LMAN1L: variants seen among roughly 807,000 people sequenced by gnomAD.
LMAN1L encodes the protein lectin, mannose binding 1 like, also known as protein ERGIC-53-like.
Under a neutral mutation model 58.3 loss-of-function variants are expected in LMAN1L, and 60 were observed. The observed-to-expected ratio is 1.03, with a 90% CI of 0.84 to 1.27. The LOEUF (loss-of-function observed/expected upper bound fraction) is 1.27. Among genes scored for constraint, LMAN1L ranks in the 50% most tolerant of loss-of-function variants. The probability of loss-of-function intolerance (pLI) is 0.00; values close to 1 mark genes in which losing one functional copy is unlikely to be tolerated. For synonymous variants in LMAN1L, 280 were observed against 271.6 expected (o/e 1.03, Z -0.31); for missense variants, 629 against 674.0 (o/e 0.93, Z 0.74).
chr15:74,812,836 G>C lies in LMAN1L; in HGVS notation c.-19G>C. 5 of 1,576,016 alleles carry C rather than the reference G, an allele frequency of 3.2e-6. No homozygotes were observed. Among genetic ancestry groups the C allele is most frequent in the Non-Finnish European group, 4.3e-6 (5 of 1,158,382 alleles). ...CAGCTATGATCTACCCCGGGGCCCAGACTTCAGGCGCCTTCACGATGCCGG... is the reference window on the plus strand; with the variant it reads ...CAGCTATGATCTACCCCGGGGCCCACACTTCAGGCGCCTTCACGATGCCGG... On this transcript the variant is annotated 5_prime_UTR_variant, in exon 1 of 14. Coordinates refer to ENST00000309664, the MANE Select transcript of LMAN1L (RefSeq NM_021819.3).
At chr15:74,815,924 C>T (rs1414922863) in intron 1 of LMAN1L, among the ~76,000 whole-genome samples, 4 of 152,244 alleles carry the variant, frequency 2.6e-5, no homozygotes, top group Admixed American at 6.5e-5. Context: ...GCACACACTG[C>T]GGTGAGGCTT....
intron 6 of LMAN1L, 64 bp downstream of exon 6, chr15:74,819,336 C>A: frequency 1.3e-6 from 2 of 1,573,002 alleles, no homozygotes; most frequent in East Asian, 4.5e-5. Flanking sequence ...CCTCAGCACA[C>A]CTTCTAAAGA....
chr15:74,823,992 A>G (rs2063929669), intron 12 of LMAN1L: 1 of 502,692 alleles, frequency 2.0e-6, no homozygotes. Context: ...TGTGTCCAAG[A>G]TCACTGAGTC....
chr15:74,820,160 C>A, intron 7 of LMAN1L, 61 bp downstream of exon 7: 1 of 1,407,956 alleles, frequency 7.1e-7, no homozygotes, highest in Non-Finnish European at 1.0e-6. Flanking sequence ...TCACCCATGT[C>A]ATGGTGCCCT....
intron 12 of LMAN1L, chr15:74,823,895 C>T (rs1412841135): frequency 3.4e-6 from 2 of 590,062 alleles, no homozygotes; most frequent in African/African-American, 3.7e-5. Flanking sequence ...TCTCTCCTCT[C>T]TGAAGAGTCC....
Position 74,821,890 on chromosome 15 carries a change from C to CA in LMAN1L, c.1122dup (p.Leu375ThrfsTer3). Reference sequence around the variant, plus strand: ...GGGAGGGGTGGCCACCTCTCCATGTCACTCAATAAGGTAGGGACCCAAACA... The same window carrying CA: ...GGGAGGGGTGGCCACCTCTCCATGTCAACTCAATAAGGTAGGGACCCAAACA... On this transcript the variant is annotated frameshift_variant, in exon 10 of 14. Transcript: ENST00000309664. LOFTEE classifies it high-confidence loss of function. 6.2e-7 allele frequency: 1 copy of CA among 1,608,736 alleles called. No individual in the cohort carries two copies. Among genetic ancestry groups the CA allele is most frequent in the Non-Finnish European group, 8.5e-7 (1 of 1,175,264 alleles).
chr15:74,817,801 C>G (rs1015161805), intron 4 of LMAN1L, among the ~76,000 whole-genome samples: 2 of 152,072 alleles, frequency 1.3e-5, no homozygotes, highest in African/African-American at 2.4e-5. Context: ...CACCTGAGGT[C>G]AGGAGTTTGA....
chr15:74,820,370 G>A, intron 7 of LMAN1L: 1 of 618,444 alleles, frequency 1.6e-6, no homozygotes, highest in Non-Finnish European at 2.8e-6. Context: ...CAGAGGAGGA[G>A]TCCCAACCAG....
At position 74,822,699 on chromosome 15, in the gene LMAN1L, C is replaced by T; in HGVS notation, c.1189C>T (p.Gln397Ter). 6.2e-7 allele frequency: 1 copy of T among 1,613,712 alleles called. No individual in the cohort carries two copies. The highest frequency in any genetic ancestry group is 1.3e-5 in the African/African-American group (1 of 75,022). The change falls in exon 11 of 14, where the codon CAA becomes TAA. Residue 397 changes from glutamine to a stop codon, truncating the protein, a stop_gained. Transcript: ENST00000309664. LOFTEE classifies it high-confidence loss of function. ...HGQWTLLQAL[Q>*]EMRDAAVRMA... ...ACAGTGGACTCTGCTCCAGGCCCTG[C>T]AAGAGATGAGGTAAGGGACTGGGTG... is the stretch of plus-strand genomic sequence containing the variant.
At position 74,823,635 on chromosome 15, in the gene LMAN1L, C is replaced by G; in HGVS notation, c.1276C>G (p.Leu426Val). 3 of 1,613,962 alleles carry G rather than the reference C, an allele frequency of 1.9e-6. No individual in the cohort carries two copies. The highest frequency in any genetic ancestry group is 2.5e-6 in the Non-Finnish European group (3 of 1,179,910). Reference sequence around the variant, plus strand: ...GGGCATTGAGCATCATTTCTTAGAGCTGGACCACATCCTGGGCCTCCTGCA... The same window carrying G: ...GGGCATTGAGCATCATTTCTTAGAGGTGGACCACATCCTGGGCCTCCTGCA... ...PVGIEHHFLELDHILGLLQEE... is the reference protein window; with the variant it reads ...PVGIEHHFLEVDHILGLLQEE... The change falls in exon 12 of 14, where the codon CTG becomes GTG. Residue 426 changes from leucine to valine, a missense_variant. Around this residue, in one of 3 missense-constraint regions of LMAN1L, gnomAD observed 573 missense variants for 597.3 expected, o/e 0.96. Coordinates refer to ENST00000309664, the MANE Select transcript of LMAN1L (RefSeq NM_021819.3).
intron 13 of LMAN1L, chr15:74,825,159 C>T (rs1449124725): frequency 2.9e-5 from 6 of 204,434 alleles, no homozygotes; most frequent in Non-Finnish European, 5.0e-5. Context: ...AAGAAGAGTC[C>T]GTGTGGGCTG....
chr15:74,822,065 G>A (rs926726931), intron 10 of LMAN1L, among the ~76,000 whole-genome samples, 165 bp downstream of exon 10: 1 of 152,216 alleles, frequency 6.6e-6, no homozygotes, highest in African/African-American at 2.4e-5. Flanking sequence ...GCTCACGCGT[G>A]TAATCCTAGC....
intron 4 of LMAN1L, among the ~76,000 whole-genome samples, chr15:74,817,468 G>A (rs564351688): frequency 3.3e-5 from 5 of 152,320 alleles, no homozygotes; most frequent in East Asian, 1.9e-4. Context: ...CCCTCTTGGC[G>A]GAAGGCGGCA....
chr15:74,825,303 G>A, intron 13 of LMAN1L, 173 bp from the exon 14 acceptor site: 2 of 660,082 alleles, frequency 3.0e-6, no homozygotes, highest in Non-Finnish European at 5.2e-6. Context: ...GACCTTACAT[G>A]CCCAGGGGGA....
intron 1 of LMAN1L, among the ~76,000 whole-genome samples, chr15:74,815,187 G>A (rs1273830628): frequency 6.6e-6 from 1 of 152,246 alleles, no homozygotes; most frequent in Non-Finnish European, 1.5e-5. Flanking sequence ...AAAGCCTTCT[G>A]CAAGGATTTC....
chr15:74,817,613 G>A lies in LMAN1L; in HGVS notation c.497+923G>A, dbSNP rs780320765. Among the ~76,000 whole-genome samples the A allele has an allele frequency of 2.4e-4, 36 of 152,230 alleles. 1 individual carries two copies. Among genetic ancestry groups the A allele is most frequent in the Non-Finnish European group, 5.0e-4 (34 of 68,044 alleles). Reference sequence around the variant, plus strand: ...CCTGGTCACATTGTCCTTGGCTGCCGGGACATGTCCAGGTCATCCGTCCTG... The same window carrying A: ...CCTGGTCACATTGTCCTTGGCTGCCAGGACATGTCCAGGTCATCCGTCCTG... On this transcript the variant is annotated intron_variant, in intron 4 of 13. Coordinates refer to ENST00000309664, the MANE Select transcript of LMAN1L (RefSeq NM_021819.3).
chr15:74,816,631 G>C lies in LMAN1L; in HGVS notation c.439-1G>C. On this transcript the variant is annotated splice_acceptor_variant, in intron 3 of 13. Transcript: ENST00000309664. LOFTEE classifies it high-confidence loss of function. ...TCAGGCTGCTTCTCACCTCCCTGCA[G>C]GACAGTCCTGCCATCCGTGTGCTGG... The C allele has an allele frequency of 6.2e-7, 1 of 1,613,538 alleles. No homozygotes were observed. The highest frequency in any genetic ancestry group is 1.3e-5 in the African/African-American group (1 of 75,018).
rs2063889515 is a variant in LMAN1L at position 74,816,242 on chromosome 15, C to T, written c.261C>T (p.Pro87=). Residue 87 remains proline (P), a synonymous_variant, in exon 2 of 14, where the codon CCC becomes CCT. Coordinates refer to ENST00000309664, the MANE Select transcript of LMAN1L (RefSeq NM_021819.3). ...SGAVWSRASV[P]FSAWEVEVQM... ...CCGTGTGGAGCAGGGCCTCTGTCCC[C>T]TTCTCTGCCTGGGAAGTAGAGGTGC... 2 of 1,603,036 alleles carry T rather than the reference C, an allele frequency of 1.2e-6. No homozygotes were observed. Among genetic ancestry groups the T allele is most frequent in the Non-Finnish European group, 1.7e-6 (2 of 1,175,060 alleles).
intron 11 of LMAN1L, among the ~76,000 whole-genome samples, chr15:74,823,070 T>C (rs1596380478): frequency 6.6e-6 from 1 of 152,132 alleles, no homozygotes; most frequent in African/African-American, 2.4e-5. Flanking sequence ...ATCAGACCAG[T>C]TGGATGAGAC....
Sources: gnomAD v4.1 joint callset for allele counts (sites outside exome capture counted in the v4.1 genomes callset) on GRCh38, gnomAD v4.1.1 for gene constraint, gnomAD v4.1.1 regional missense constraint, MANE v1.5 for transcripts, NCBI Gene and HGNC (gene_info 2026-07-23, HGNC 2026-07-21) for gene names.